GRAMD1B: variants seen among roughly 807,000 people sequenced by gnomAD.
GRAMD1B encodes protein Aster-B.
A neutral mutation model predicts 99.7 loss-of-function variants in GRAMD1B; 37 were observed. The ratio of observed to expected loss-of-function variants is 0.37; its 90% CI spans 0.29 to 0.49. The LOEUF (loss-of-function observed/expected upper bound fraction) is 0.49, where lower values mean the gene tolerates loss of function less well. Among genes scored for constraint, GRAMD1B ranks in the 20% least tolerant of loss-of-function variants. GRAMD1B has a pLI of 0.98. For synonymous variants in GRAMD1B, 427 were observed against 387.6 expected, an observed-to-expected ratio of 1.10 and a Z score of -1.19; for missense variants, 888 against 1,009.2, an observed-to-expected ratio of 0.88 and a Z score of 1.63.
chr11:123,616,916 G>A (rs768209713), intron 17 of GRAMD1B, among the ~76,000 whole-genome samples: 2 of 152,190 alleles, frequency 1.3e-5, no homozygotes, highest in Non-Finnish European at 2.9e-5. Flanking sequence ...ATTAAAGACC[G>A]TGGCACTGAA....
At chr11:123,518,728 G>A (rs911357223) in intron 2 of GRAMD1B, among the ~76,000 whole-genome samples, 15 of 152,120 alleles carry the variant, frequency 9.9e-5, no homozygotes, top group Non-Finnish European at 2.1e-4. Context: ...TGAGGTCTGC[G>A]CAACCACTTT....
chr11:123,404,379 G>A (rs115512617), intron 1 of GRAMD1B, among the ~76,000 whole-genome samples: 3,493 of 152,256 alleles, frequency 0.023, 45 homozygotes, highest in Middle Eastern at 0.051. Flanking sequence ...CCTCACTATT[G>A]TGGTCGATAT....
At chr11:123,571,792 C>A (rs999219845) in intron 2 of GRAMD1B, among the ~76,000 whole-genome samples, 3 of 152,110 alleles carry the variant, frequency 2.0e-5, no homozygotes, top group Admixed American at 6.5e-5. Flanking sequence ...TGCCTTTTCA[C>A]CCTTGTTCAT....
intron 1 of GRAMD1B, among the ~76,000 whole-genome samples, chr11:123,364,372 G>A (rs531314743): frequency 9.8e-5 from 15 of 152,352 alleles, no homozygotes; most frequent in Admixed American, 2.6e-4. Context: ...CTCTGACGCA[G>A]GGAGCGATTG....
At chr11:123,438,529 A>G (rs534351856) in intron 1 of GRAMD1B, among the ~76,000 whole-genome samples, 1 of 152,320 alleles carries the variant, frequency 6.6e-6, no homozygotes, top group African/African-American at 2.4e-5. Flanking sequence ...CGTGAGAATC[A>G]GCTAGCGCCT....
Position 123,376,103 on chromosome 11 carries a change from G to A in GRAMD1B, c.-176+17304G>A, listed in dbSNP as rs533959627. 1.1e-4 allele frequency among the ~76,000 whole-genome samples: 17 copies of A among 151,910 alleles called. No individual in the cohort carries two copies. The South Asian group carries it at 3.5e-3, about 32-fold the overall frequency. The stretch of plus-strand genomic sequence containing the variant: ...TCTTCCCTGGCCAATATGTCAGAAG[G>A]AAAGAGACCAGCTTTGGTATATCAA... On this transcript the variant is annotated intron_variant, in intron 1 of 20. Coordinates refer to the GRAMD1B transcript ENST00000638157.
intron 1 of GRAMD1B, among the ~76,000 whole-genome samples, chr11:123,380,536 T>C (rs1228658206): frequency 6.6e-6 from 1 of 152,254 alleles, no homozygotes; most frequent in Non-Finnish European, 1.5e-5. Context: ...GACTTTATTA[T>C]GACTTTCATT....
At chr11:123,469,780 C>CTTCCTTCCTTCCTTCT (rs1021311543) in intron 1 of GRAMD1B, among the ~76,000 whole-genome samples, 1 of 48,994 alleles carries the variant, frequency 2.0e-5, no homozygotes, top group African/African-American at 6.2e-5. Flanking sequence ...TCTTTCTTTC[C>CTTCCTTCCTTCCTTCT]TTCCTTCCTT....
chr11:123,414,115 G>A (rs1381069227), intron 1 of GRAMD1B, among the ~76,000 whole-genome samples: 2 of 151,654 alleles, frequency 1.3e-5, no homozygotes, highest in African/African-American at 2.4e-5. Context: ...CAGGATCTTG[G>A]CTCACTGCAA....
intron 2 of GRAMD1B, among the ~76,000 whole-genome samples, chr11:123,532,515 G>A (rs1943500038): frequency 6.6e-6 from 1 of 152,174 alleles, no homozygotes; most frequent in Non-Finnish European, 1.5e-5. Context: ...TTGGTAGTGT[G>A]GGCACGGGCT....
chr11:123,543,376 T>C (rs557734378), intron 2 of GRAMD1B, among the ~76,000 whole-genome samples: 1 of 152,326 alleles, frequency 6.6e-6, no homozygotes, highest in East Asian at 1.9e-4. Flanking sequence ...AGAACAGACC[T>C]GAAACCTCTG....
chr11:123,369,665 A>G (rs1946453576), intron 1 of GRAMD1B, among the ~76,000 whole-genome samples: 2 of 152,128 alleles, frequency 1.3e-5, no homozygotes, highest in South Asian at 2.1e-4. Flanking sequence ...TGAGGCCAGG[A>G]GTTCGTGACC....
intron 7 of GRAMD1B, 38 bp from the exon 8 acceptor site, chr11:123,600,430 T>C (rs1252419768): frequency 7.6e-7 from 1 of 1,312,462 alleles, no homozygotes; most frequent in Non-Finnish European, 1.1e-6. Context: ...ATATTGTAAC[T>C]CAACAGATAT....
intron 2 of GRAMD1B, among the ~76,000 whole-genome samples, chr11:123,486,808 G>A (rs1447567572): frequency 6.6e-6 from 1 of 152,214 alleles, no homozygotes; most frequent in African/African-American, 2.4e-5. Flanking sequence ...GGTGGCTCAT[G>A]CCTGTAATCC....
At chr11:123,505,920 G>T (rs1419849109) in intron 2 of GRAMD1B, among the ~76,000 whole-genome samples, 1 of 151,996 alleles carries the variant, frequency 6.6e-6, no homozygotes, top group Admixed American at 6.5e-5. Flanking sequence ...TCTACATCTA[G>T]TGACCTCTCA....
intron 1 of GRAMD1B, among the ~76,000 whole-genome samples, chr11:123,364,900 A>G (rs1173614714): frequency 1.3e-5 from 2 of 152,156 alleles, no homozygotes; most frequent in Non-Finnish European, 2.9e-5. Context: ...GAATTTATAC[A>G]AAGTCTTTCA....
chr11:123,521,230 T>A (rs1942173780), intron 2 of GRAMD1B, among the ~76,000 whole-genome samples: 1 of 152,244 alleles, frequency 6.6e-6, no homozygotes, highest in African/African-American at 2.4e-5. Flanking sequence ...ACTTTTTAAT[T>A]TTTGTCAATG....
intron 1 of GRAMD1B, among the ~76,000 whole-genome samples, chr11:123,399,795 T>A (rs1947595717): frequency 6.6e-6 from 1 of 152,142 alleles, no homozygotes; most frequent in Non-Finnish European, 1.5e-5. Context: ...AATTTTTGTA[T>A]TTTTAGTAGA....
chr11:123,425,227 A>G (rs1055210475), intron 1 of GRAMD1B, among the ~76,000 whole-genome samples: 4 of 152,226 alleles, frequency 2.6e-5, no homozygotes, highest in Non-Finnish European at 4.4e-5. Flanking sequence ...TGCACACTCA[A>G]TCACTAGTCG....
Sources: allele counts gnomAD v4.1 joint callset (sites outside exome capture counted in the v4.1 genomes callset), GRCh38; gene constraint gnomAD v4.1.1; transcripts MANE v1.5; gene names NCBI Gene and HGNC (gene_info 2026-07-23, HGNC 2026-07-21).